The following AMOTL1 variants were observed in gnomAD, a reference collection of about 807,000 sequenced individuals.
The protein encoded by AMOTL1 is angiomotin-like protein 1.
A neutral mutation model predicts 102.9 loss-of-function variants in AMOTL1; 45 were observed. That is an observed-to-expected ratio of 0.44 (90% CI 0.34 to 0.56). AMOTL1 has a LOEUF of 0.56. AMOTL1 is among the 20% of genes least tolerant of loss of function. The probability of loss-of-function intolerance (pLI) is 0.01; values close to 1 mark genes in which losing one functional copy is unlikely to be tolerated. For missense variants in AMOTL1, 1,114 were observed against 1,225.6 expected (o/e 0.91, Z 1.36); for synonymous variants, 481 against 484.7 (o/e 0.99, Z 0.10).
intron 3 of AMOTL1, among the ~76,000 whole-genome samples, chr11:94,819,843 ATGT>A (rs1379768104): frequency 2.0e-5 from 3 of 152,174 alleles, no homozygotes; most frequent in Admixed American, 6.5e-5. Flanking sequence ...ATATTTCTAA[ATGT>A]TGTTAGGAGC....
chr11:94,707,673 T>C (rs142258917), intron 1 of AMOTL1, among the ~76,000 whole-genome samples: 36 of 152,230 alleles, frequency 2.4e-4, no homozygotes, highest in African/African-American at 8.4e-4. Flanking sequence ...GACTAGACCA[T>C]ATCCAGAATT....
At chr11:94,715,255 A>G (rs747914303) in intron 1 of AMOTL1, among the ~76,000 whole-genome samples, 43 of 152,094 alleles carry the variant, frequency 2.8e-4, no homozygotes, top group Non-Finnish European at 2.4e-4. Flanking sequence ...ATTTCTTAAC[A>G]TTTGTTAATA....
chr11:94,869,228 A>T lies in AMOTL1; in HGVS notation c.2519A>T (p.His840Leu). 1 of 1,606,396 alleles carries T rather than the reference A, an allele frequency of 6.2e-7. No homozygotes were observed. Among genetic ancestry groups the T allele is most frequent in the Admixed American group, 1.7e-5 (1 of 59,842 alleles). ...GLLLGKEHHE[H>L]ASAPLLPPPP... ...CTGCTGGGGAAGGAGCACCATGAGC[A>T]TGCCTCTGCCCCACTGCTGCCACCC... The change falls in exon 12 of 13, where the codon CAT becomes CTT. Residue 840 changes from histidine (H) to leucine (L), a missense_variant. Physicochemically the swap from His to Leu is moderately conservative, Grantham distance 99. Transcript: ENST00000433060.
intron 8 of AMOTL1, among the ~76,000 whole-genome samples, chr11:94,858,269 A>C (rs1042524013): frequency 6.6e-6 from 1 of 152,182 alleles, no homozygotes; most frequent in African/African-American, 2.4e-5. Flanking sequence ...TGCACAGGTC[A>C]GGTGAGGACA....
In AMOTL1 at chr11:94,864,285, A is replaced by G. The variant is rs191965325; in HGVS notation, c.2136-450A>G. On this transcript the variant is annotated intron_variant, in intron 9 of 12. Transcript: ENST00000433060. ...AATAATAATAATAATAATAGTGTCC[A>G]TAAGTCAGTAGATTAAATCTCTAGG... 1.8e-3 allele frequency among the ~76,000 whole-genome samples: 274 copies of G among 152,278 alleles called. 1 individual carries two copies. Among genetic ancestry groups the G allele is most frequent in the African/African-American group, 5.8e-3 (243 of 41,554 alleles).
chr11:94,812,799 G>A (rs1246014041), intron 3 of AMOTL1, among the ~76,000 whole-genome samples: 3 of 151,940 alleles, frequency 2.0e-5, no homozygotes, highest in Non-Finnish European at 2.9e-5. Context: ...TCCAACCACA[G>A]CTGTGTCTCT....
intron 1 of AMOTL1, among the ~76,000 whole-genome samples, chr11:94,771,261 G>GGC (rs1555067547): frequency 1.2e-4 from 17 of 139,080 alleles, no homozygotes; most frequent in South Asian, 6.8e-4. Context: ...GGCGGGGTTG[G>GGC]GGGGGGGGTG....
intron 1 of AMOTL1, among the ~76,000 whole-genome samples, chr11:94,718,017 A>G (rs1328316180): frequency 1.3e-5 from 2 of 151,958 alleles, no homozygotes; most frequent in Non-Finnish European, 2.9e-5. Context: ...TTATAAAAAT[A>G]TATAAAATAT....
intron 1 of AMOTL1, among the ~76,000 whole-genome samples, chr11:94,708,503 T>C (rs866395680): frequency 6.6e-6 from 1 of 152,184 alleles, no homozygotes; most frequent in African/African-American, 2.4e-5. Context: ...TTCCCTCAAC[T>C]GTGAAATGGA....
intron 3 of AMOTL1, among the ~76,000 whole-genome samples, chr11:94,745,016 A>G (rs1353236717): frequency 6.6e-6 from 1 of 152,142 alleles, no homozygotes; most frequent in Non-Finnish European, 1.5e-5. Context: ...ATCCCAGGGA[A>G]TGCCTTCCTT....
intron 3 of AMOTL1, among the ~76,000 whole-genome samples, chr11:94,809,974 CATAGAA>C (rs1247647811): frequency 2.0e-5 from 3 of 152,120 alleles, no homozygotes; most frequent in East Asian, 3.8e-4. Flanking sequence ...ATACTAGACA[CATAGAA>C]ATAGATCTTA....
intron 3 of AMOTL1, among the ~76,000 whole-genome samples, chr11:94,802,750 T>C (rs948730852): frequency 2.0e-5 from 3 of 152,198 alleles, no homozygotes; most frequent in African/African-American, 7.2e-5. Flanking sequence ...ATGGCTCCAG[T>C]GGTGCAGCCC....
At chr11:94,743,920 C>T (rs1484287540) in intron 3 of AMOTL1, among the ~76,000 whole-genome samples, 1 of 152,112 alleles carries the variant, frequency 6.6e-6, no homozygotes, top group Non-Finnish European at 1.5e-5. Flanking sequence ...CTGTCGGCCT[C>T]CCAAAGTGCT....
rs1048066340 is a variant in AMOTL1, at chr11:94,874,985, A to G, written c.*4190A>G. The G allele has an allele frequency of 2.8e-4, 43 of 152,226 alleles. No individual in the cohort carries two copies. The highest frequency in any genetic ancestry group is 9.7e-4 in the African/African-American group (40 of 41,448). 9.4% of individuals were successfully genotyped at this position (152,226 alleles called of 1,614,324 possible). On this transcript the variant is annotated 3_prime_UTR_variant, in exon 13 of 13. Coordinates refer to ENST00000433060, the MANE Select transcript of AMOTL1 (RefSeq NM_130847.3). ...TCTTAAGCAAAGGAGTACCATGACC[A>G]TAGTCAGTGGGATCCCACAAATGTT... is the stretch of plus-strand genomic sequence containing the variant.
intron 9 of AMOTL1, among the ~76,000 whole-genome samples, chr11:94,863,867 C>T (rs548450769): frequency 6.6e-6 from 1 of 152,320 alleles, no homozygotes; most frequent in South Asian, 2.1e-4. Flanking sequence ...AGTGAAACTG[C>T]TTCTTGATCT....
intron 3 of AMOTL1, among the ~76,000 whole-genome samples, chr11:94,763,327 G>T (rs1950817430): frequency 6.6e-6 from 1 of 152,188 alleles, no homozygotes; most frequent in Non-Finnish European, 1.5e-5. Flanking sequence ...GACACTGCCA[G>T]TATTCCCTGA....
chr11:94,857,792 G>A (rs1952697692), intron 8 of AMOTL1, among the ~76,000 whole-genome samples: 1 of 152,176 alleles, frequency 6.6e-6, no homozygotes, highest in Admixed American at 6.5e-5. Flanking sequence ...TGAGGGTGAA[G>A]ACTTAATCTG....
At chr11:94,770,836 G>A (rs975468813) in intron 1 of AMOTL1, among the ~76,000 whole-genome samples, 2 of 152,184 alleles carry the variant, frequency 1.3e-5, no homozygotes, top group African/African-American at 4.8e-5. Context: ...GCACTCCGCT[G>A]ATCAGACTTG....
At chr11:94,791,483 T>C (rs1951284892) in intron 1 of AMOTL1, among the ~76,000 whole-genome samples, 1 of 152,202 alleles carries the variant, frequency 6.6e-6, no homozygotes, top group African/African-American at 2.4e-5. Flanking sequence ...GGTTCTGGTT[T>C]GAAAGAGATA....
Sources: allele counts gnomAD v4.1 joint callset (sites outside exome capture counted in the v4.1 genomes callset), GRCh38; gene constraint gnomAD v4.1.1; transcripts MANE v1.5; gene names NCBI Gene and HGNC (gene_info 2026-07-23, HGNC 2026-07-21).